ADAMTS9: variants seen among roughly 807,000 people sequenced by gnomAD.
ADAMTS9 encodes A disintegrin and metalloproteinase with thrombospondin motifs 9.
Under a neutral mutation model 257.1 loss-of-function variants are expected in ADAMTS9, and 107 were observed. The observed-to-expected ratio is 0.42, with a 90% CI of 0.36 to 0.49. The LOEUF (loss-of-function observed/expected upper bound fraction) is 0.49. Among genes scored for constraint, ADAMTS9 ranks in the 20% least tolerant of loss-of-function variants. The probability of loss-of-function intolerance (pLI) is 0.03; values close to 1 mark genes in which losing one functional copy is unlikely to be tolerated. For synonymous variants in ADAMTS9, 982 were observed against 880.9 expected, an observed-to-expected ratio of 1.11 and a Z score of -2.03; for missense variants, 2,353 against 2,469.1, an observed-to-expected ratio of 0.95 and a Z score of 1.00.
intron 32 of ADAMTS9, 143 bp downstream of exon 32, chr3:64,546,615 C>A (rs1349858329): frequency 1.4e-5 from 11 of 778,494 alleles, no homozygotes; most frequent in Admixed American, 7.0e-5. Context: ...TCCCTTTGAT[C>A]CCTGTTAGCC....
chr3:64,550,320 G>A (rs1256285919), intron 31 of ADAMTS9: 1 of 152,184 alleles, frequency 6.6e-6, no homozygotes, highest in Non-Finnish European at 1.5e-5. Context: ...AAAGGGGTTT[G>A]TTTGCCCCTT....
chr3:64,595,776 C>T (rs758565592), intron 27 of ADAMTS9, among the ~76,000 whole-genome samples: 2 of 146,806 alleles, frequency 1.4e-5, no homozygotes, highest in African/African-American at 2.6e-5. Flanking sequence ...ACTAACATGC[C>T]CATCAATCTC....
At chr3:64,558,603 CTG>C (rs1215554593) in intron 30 of ADAMTS9, among the ~76,000 whole-genome samples, 3 of 152,234 alleles carry the variant, frequency 2.0e-5, no homozygotes, top group East Asian at 1.9e-4. Flanking sequence ...GGTGCAGAAA[CTG>C]TGCTTCTCTA....
intron 37 of ADAMTS9, 75 bp from the exon 38 acceptor site, chr3:64,533,345 A>C: frequency 1.8e-6 from 2 of 1,105,584 alleles, no homozygotes; most frequent in South Asian, 2.6e-5. Context: ...AAGGTGATAC[A>C]ATAAAAGGTA....
intron 28 of ADAMTS9, among the ~76,000 whole-genome samples, chr3:64,576,708 T>C (rs151205182): frequency 6.6e-6 from 1 of 152,156 alleles, no homozygotes; most frequent in Admixed American, 6.5e-5. Context: ...CCCAGCCGGA[T>C]GGGGCATTAG....
At chr3:64,598,274 A>G (rs73832339) in intron 26 of ADAMTS9, among the ~76,000 whole-genome samples, 2 of 151,362 alleles carry the variant, frequency 1.3e-5, no homozygotes, top group Non-Finnish European at 1.5e-5. Flanking sequence ...TCTATCTTTG[A>G]TGATTCTGGT....
chr3:64,549,909 A>G (rs2083248049), intron 31 of ADAMTS9, among the ~76,000 whole-genome samples: 1 of 152,210 alleles, frequency 6.6e-6, no homozygotes, highest in African/African-American at 2.4e-5. Context: ...CAACACACAC[A>G]TCATCTAAAT....
chr3:64,618,954 C>T (rs1431446347), intron 19 of ADAMTS9, among the ~76,000 whole-genome samples: 1 of 152,100 alleles, frequency 6.6e-6, no homozygotes, highest in East Asian at 1.9e-4. Flanking sequence ...CATAAGCCAG[C>T]ATCATCACAA....
Position 64,658,731 on chromosome 3 carries a change from C to A in ADAMTS9, c.740G>T (p.Arg247Met). ...KKTRARKWGE[R>M]INLAGDVAAL... ...TGCTACGTCACCAGCCAGGTTAATC[C>A]TTTCTCCCCATTTTCTTGCTCTGGT... Residue 247 changes from arginine (R) to methionine (M), a missense_variant, in exon 4 of 40, where the codon AGG (arginine) becomes ATG (methionine). By Grantham distance (91) the Arg-to-Met change is moderately conservative. Coordinates refer to ENST00000498707, the MANE Select transcript of ADAMTS9 (RefSeq NM_182920.2). The A allele has an allele frequency of 6.2e-7, 1 of 1,614,148 alleles. No individual in the cohort carries two copies. The highest frequency in any genetic ancestry group is 1.1e-5 in the South Asian group (1 of 91,076).
chr3:64,588,510 T>C (rs2084202164), intron 28 of ADAMTS9: 1 of 151,924 alleles, frequency 6.6e-6, no homozygotes, highest in Non-Finnish European at 1.5e-5. Context: ...TCAACTGCCA[T>C]CACTAATCGC....
At position 64,561,688 on chromosome 3, in the gene ADAMTS9, T is replaced by C. The variant is rs377076231; in HGVS notation, c.4588A>G (p.Lys1530Glu). The C allele has an allele frequency of 1.2e-6, 2 of 1,613,894 alleles. No homozygotes were observed. Among genetic ancestry groups the C allele is most frequent in the Non-Finnish European group, 1.7e-6 (2 of 1,179,964 alleles). The change falls in exon 30 of 40, where the codon AAA becomes GAA. Residue 1530 changes from lysine to glutamate, a missense_variant. Around this residue, in one of 3 missense-constraint regions of ADAMTS9, gnomAD observed 1,402 missense variants for 1,441.4 expected, o/e 0.97. Transcript: ENST00000498707. ...TTGCACTCGGTCTCTCTGGCTATTTTGTGTGTTCCGATCTGACAGCCCACA... is the reference window on the plus strand; with the variant it reads ...TTGCACTCGGTCTCTCTGGCTATTTCGTGTGTTCCGATCTGACAGCCCACA... ...RHVGCQIGTH[K>E]IARETECNPY...
In ADAMTS9 at chr3:64,657,056, T is replaced by C. The variant is rs1281884378; in HGVS notation, c.970-1181A>G. Among the ~76,000 whole-genome samples the C allele has an allele frequency of 3.9e-5, 6 of 152,216 alleles. No individual in the cohort carries two copies. In the East Asian group the frequency reaches 9.7e-4, roughly 25 times the overall value. Reference sequence around the variant, plus strand: ...CGAATCGTTCAAAAAAACAGCAATGTGTAATACAGTATGTGAAAATGCCTC... The same window carrying C: ...CGAATCGTTCAAAAAAACAGCAATGCGTAATACAGTATGTGAAAATGCCTC... On this transcript the variant is annotated intron_variant, in intron 4 of 39. Transcript: ENST00000498707.
At chr3:64,539,697 C>T (rs1468026979) in intron 36 of ADAMTS9, among the ~76,000 whole-genome samples, 9 of 152,150 alleles carry the variant, frequency 5.9e-5, no homozygotes, top group Admixed American at 5.9e-4. Context: ...GGAAATAAGC[C>T]AGGAAGAGAG....
chr3:64,676,143 G>C (rs1205291470), intron 3 of ADAMTS9, among the ~76,000 whole-genome samples: 1 of 152,152 alleles, frequency 6.6e-6, no homozygotes, highest in Non-Finnish European at 1.5e-5. Context: ...CAAAGAAGTA[G>C]ACACAAGGCA....
At chr3:64,594,677 T>C (rs1426284146) in intron 27 of ADAMTS9, among the ~76,000 whole-genome samples, 3 of 152,204 alleles carry the variant, frequency 2.0e-5, no homozygotes, top group Non-Finnish European at 4.4e-5. Context: ...TTTGCATATA[T>C]TATCTAATCA....
rs1700892286 is a variant in ADAMTS9, at chr3:64,649,990, A to G, written c.1464-212T>C. On this transcript the variant is annotated intron_variant, in intron 9 of 39. Coordinates refer to ENST00000498707, the MANE Select transcript of ADAMTS9 (RefSeq NM_182920.2). ...TAGAACCACATGCAATGAATACAACATAGCCAGTAGGAAATATACACCTGT... is the reference window on the plus strand; with the variant it reads ...TAGAACCACATGCAATGAATACAACGTAGCCAGTAGGAAATATACACCTGT... 4 of 527,626 alleles carry G rather than the reference A, an allele frequency of 7.6e-6. No individual in the cohort carries two copies. In the East Asian group the frequency reaches 9.6e-5, roughly 13 times the overall value. The allele number at this position is 527,626 out of a possible 1,614,324, so 32.7% of individuals were successfully genotyped here.
chr3:64,660,685 G>A (rs902274834), intron 3 of ADAMTS9, among the ~76,000 whole-genome samples: 3 of 152,108 alleles, frequency 2.0e-5, no homozygotes, highest in Admixed American at 1.3e-4. Flanking sequence ...TTGTGTTTAA[G>A]GAATCCTTAT....
chr3:64,618,333 A>C (rs111393537), intron 19 of ADAMTS9, among the ~76,000 whole-genome samples: 2 of 152,340 alleles, frequency 1.3e-5, no homozygotes, highest in African/African-American at 4.8e-5. Context: ...GTTTGGTCTG[A>C]GTAGAGTACA....
chr3:64,554,099 C>T (rs9311896), intron 30 of ADAMTS9, among the ~76,000 whole-genome samples: 27,486 of 152,052 alleles, frequency 0.18, 3,138 homozygotes, highest in African/African-American at 0.3. Flanking sequence ...ACTAAACCTT[C>T]CAGTATCCTC....
Sources: allele counts gnomAD v4.1 joint callset (sites outside exome capture counted in the v4.1 genomes callset), GRCh38; gene constraint gnomAD v4.1.1; regional missense constraint gnomAD v4.1.1; transcripts MANE v1.5; gene names NCBI Gene and HGNC (gene_info 2026-07-23, HGNC 2026-07-21).